RAB11FIP1: variants seen among roughly 807,000 people sequenced by gnomAD.
RAB11FIP1 encodes the protein rab11 family-interacting protein 1.
A neutral mutation model predicts 83.1 loss-of-function variants in RAB11FIP1; 49 were observed. The ratio of observed to expected loss-of-function variants is 0.59; its 90% CI spans 0.47 to 0.75. The LOEUF (loss-of-function observed/expected upper bound fraction) is 0.75, where lower values mean the gene tolerates loss of function less well. Among genes scored for constraint, RAB11FIP1 ranks in the 30% least tolerant of loss-of-function variants. The pLI is 0.00. For missense variants in RAB11FIP1, 1,536 were observed against 1,598.7 expected (o/e 0.96, Z 0.67); for synonymous variants, 670 against 656.0 (o/e 1.02, Z -0.33).
intron 1 of RAB11FIP1, among the ~76,000 whole-genome samples, chr8:37,892,795 G>A (rs986426884): frequency 1.3e-3 from 198 of 152,032 alleles, no homozygotes; most frequent in African/African-American, 4.5e-3. Flanking sequence ...GTAAAGCCTC[G>A]CCTTCCTCTT....
In RAB11FIP1 at chr8:37,872,159, T is replaced by C. The variant is rs780744432; in HGVS notation, c.2643A>G (p.Pro881=). 1 of 1,614,008 alleles carries C rather than the reference T, an allele frequency of 6.2e-7. No individual in the cohort carries two copies. Among genetic ancestry groups the C allele is most frequent in the Non-Finnish European group, 8.5e-7 (1 of 1,179,970 alleles). Residue 881 remains proline (P), a synonymous_variant, in exon 4 of 6, where the codon CCA becomes CCG. Transcript: ENST00000330843. ...GGGAGGGGAGGAGGAGGTGATCCGC[T>C]GGGGAGGCTGGCGCACCACACGTCG... ...GPATCGAPAS[P]ADHLLLPSQE... is the part of the protein sequence containing the mutation.
chr8:37,896,165 C>A lies in RAB11FIP1; in HGVS notation c.371+2906G>T, dbSNP rs536244547. Reference sequence around the variant, plus strand: ...TCTCTACTAAAAATACAAAAATTAGCCGGACATGGTGGCGGGTGCCTGTAA... The same window carrying A: ...TCTCTACTAAAAATACAAAAATTAGACGGACATGGTGGCGGGTGCCTGTAA... On this transcript the variant is annotated intron_variant, in intron 1 of 5. Coordinates refer to ENST00000330843, the MANE Select transcript of RAB11FIP1 (RefSeq NM_001002814.3). 3.6e-4 allele frequency among the ~76,000 whole-genome samples: 55 copies of A among 152,036 alleles called. 1 individual carries two copies. Among genetic ancestry groups the A allele is most frequent in the Middle Eastern group, 3.4e-3 (1 of 294 alleles).
chr8:37,887,098 T>C (rs149074857), intron 1 of RAB11FIP1, among the ~76,000 whole-genome samples: 81 of 152,314 alleles, frequency 5.3e-4, no homozygotes, highest in Admixed American at 1.1e-3. Context: ...CCTCTGCCCA[T>C]TGTCAGCTAC....
intron 1 of RAB11FIP1, among the ~76,000 whole-genome samples, chr8:37,882,144 C>T (rs189963745): frequency 1.2e-4 from 19 of 152,308 alleles, no homozygotes; most frequent in Non-Finnish European, 2.1e-4. Context: ...CTCTTCCACA[C>T]GGGCCCTTCT....
intron 2 of RAB11FIP1, among the ~76,000 whole-genome samples, chr8:37,876,258 GAAGGAAGA>G (rs1174044677): frequency 1.4e-5 from 2 of 139,322 alleles, no homozygotes; most frequent in African/African-American, 2.9e-5. Flanking sequence ...AGGAAGGAAG[GAAGGAAGA>G]AAGAAGGAAA....
chr8:37,896,127 T>C (rs1807084994), intron 1 of RAB11FIP1, among the ~76,000 whole-genome samples: 1 of 151,972 alleles, frequency 6.6e-6, no homozygotes, highest in South Asian at 2.1e-4. Flanking sequence ...CTGACCAACA[T>C]GGTGAAACCC....
Position 37,874,989 on chromosome 8 carries a change from T to A in RAB11FIP1, c.1148A>T (p.Glu383Val). The change falls in exon 3 of 6, where the codon GAA becomes GTA. Residue 383 changes from glutamate to valine, a missense_variant. By Grantham distance (121) the Glu-to-Val change is moderately radical. Coordinates refer to ENST00000330843, the MANE Select transcript of RAB11FIP1 (RefSeq NM_001002814.3). ...GGLSSDRQLS[E>V]SSTKDSLKSM... ...CTTCAAGGAGTCCTTGGTGGAAGAT[T>A]CGGAGAGCTGCCTGTCAGAAGACAG... 6.2e-7 allele frequency: 1 copy of A among 1,614,110 alleles called. No homozygotes were observed. The highest frequency in any genetic ancestry group is 8.5e-7 in the Non-Finnish European group (1 of 1,180,040).
At chr8:37,887,598 ATCT>A (rs1287756315) in intron 1 of RAB11FIP1, among the ~76,000 whole-genome samples, 1 of 152,108 alleles carries the variant, frequency 6.6e-6, no homozygotes, top group African/African-American at 2.4e-5. Flanking sequence ...CTTTTTATAA[ATCT>A]TCTTTAAGTC....
In RAB11FIP1 at chr8:37,899,022, A is replaced by C; in HGVS notation, c.371+49T>G. 1 of 1,415,700 alleles carries C rather than the reference A, an allele frequency of 7.1e-7. No individual in the cohort carries two copies. Among genetic ancestry groups the C allele is most frequent in the South Asian group, 1.5e-5 (1 of 66,526 alleles). 87.7% of individuals were successfully genotyped at this position (1,415,700 alleles called of 1,614,324 possible). The stretch of plus-strand genomic sequence containing the variant: ...TCCAGCGCCCAGACCGCCCTGCCGG[A>C]GGGGTCCGCGCCCCCAGGCCGGGCC... On this transcript the variant is annotated intron_variant, in intron 1 of 5. Transcript: ENST00000330843. The surrounding 1 kb of genome is among the most constrained non-coding windows in gnomAD (Gnocchi z 4.5).
In RAB11FIP1 at chr8:37,873,080, T is replaced by G. The variant is rs1211936292; in HGVS notation, c.1722A>C (p.Ala574=). The change falls in exon 4 of 6, where the codon GCA becomes GCC. Residue 574 remains alanine, a synonymous_variant. Transcript: ENST00000330843. ...LPPLPSSSGQ[A]SVPSELGHGA... ...CATGTCCCAATTCAGAGGGGACAGA[T>G]GCCTGGCCAGAGCTAGAAGGAAGAG... is the stretch of plus-strand genomic sequence containing the variant. 1 of 1,614,004 alleles carries G rather than the reference T, an allele frequency of 6.2e-7. No homozygotes were observed. The highest frequency in any genetic ancestry group is 1.7e-5 in the Admixed American group (1 of 60,010).
chr8:37,899,036 C>A lies in RAB11FIP1; in HGVS notation c.371+35G>T. The stretch of plus-strand genomic sequence containing the variant: ...CGCCCTGCCGGAGGGGTCCGCGCCC[C>A]CAGGCCGGGCCCTCCCCTCCCCGCC... On this transcript the variant is annotated intron_variant, in intron 1 of 5. Transcript: ENST00000330843. This position sits in a 1 kb window ranked among gnomAD's most constrained non-coding sequence, Gnocchi z 4.5. 1 of 1,436,278 alleles carries A rather than the reference C, an allele frequency of 7.0e-7. No homozygotes were observed. The highest frequency in any genetic ancestry group is 1.4e-5 in the South Asian group (1 of 69,174). 89.0% of individuals were successfully genotyped at this position (1,436,278 alleles called of 1,614,324 possible). A position where few individuals can be genotyped will look rare whatever the true frequency, so the allele number is the denominator to read the frequency against.
At chr8:37,863,537 C>G (rs1479443646) in intron 5 of RAB11FIP1, among the ~76,000 whole-genome samples, 1 of 152,094 alleles carries the variant, frequency 6.6e-6, no homozygotes, top group Non-Finnish European at 1.5e-5. Flanking sequence ...CATGAGCCAC[C>G]GTGCCCAGCC....
At chr8:37,893,295 G>A (rs752897299) in intron 1 of RAB11FIP1, among the ~76,000 whole-genome samples, 2 of 151,736 alleles carry the variant, frequency 1.3e-5, no homozygotes, top group Admixed American at 6.6e-5. Context: ...GGCTGGTCTC[G>A]AACTCCTGAC....
intron 1 of RAB11FIP1, among the ~76,000 whole-genome samples, chr8:37,890,870 G>A (rs1019078007): frequency 1.6e-4 from 25 of 151,760 alleles, no homozygotes; most frequent in African/African-American, 5.8e-4. Flanking sequence ...TTCATACTTC[G>A]GACATCCCCA....
At chr8:37,866,817 C>T (rs116542967) in intron 5 of RAB11FIP1, among the ~76,000 whole-genome samples, 1 of 152,146 alleles carries the variant, frequency 6.6e-6, no homozygotes, top group Non-Finnish European at 1.5e-5. Context: ...TGTGCCTTAA[C>T]ACAAAGCATC....
chr8:37,892,436 T>A (rs1030714839), intron 1 of RAB11FIP1, among the ~76,000 whole-genome samples: 1 of 137,664 alleles, frequency 7.3e-6, no homozygotes, highest in Non-Finnish European at 1.5e-5. Context: ...TATTTATTTA[T>A]TTATTTATTT....
chr8:37,871,217 A>AG, intron 4 of RAB11FIP1, 61 bp downstream of exon 4: 1 of 1,534,096 alleles, frequency 6.5e-7, no homozygotes, highest in Admixed American at 2.1e-5. Flanking sequence ...TAACCTCTGC[A>AG]GGTAGGAAGC....
intron 1 of RAB11FIP1, 107 bp from the exon 2 acceptor site, chr8:37,877,658 A>G (rs1017077756): frequency 7.5e-6 from 5 of 670,914 alleles, no homozygotes; most frequent in African/African-American, 1.8e-5. Flanking sequence ...AGCCTCTTCA[A>G]TGCATGCATT....
At chr8:37,869,831 A>G (rs1806414470) in intron 5 of RAB11FIP1, among the ~76,000 whole-genome samples, 1 of 152,194 alleles carries the variant, frequency 6.6e-6, no homozygotes, top group South Asian at 2.1e-4. Flanking sequence ...GAGAACTGGG[A>G]GGAAGGGTTT....
Sources: gnomAD v4.1 joint callset for allele counts (sites outside exome capture counted in the v4.1 genomes callset) on GRCh38, gnomAD v4.1.1 for gene constraint, Gnocchi (gnomAD v3.1) non-coding constraint, MANE v1.5 for transcripts, NCBI Gene and HGNC (gene_info 2026-07-23, HGNC 2026-07-21) for gene names.